Variants in SMIM10L3 observed in about 807,000 individuals in gnomAD.
SMIM10L3 encodes salivary gland specific protein SAGSIN1.
chr7:6,331,411 C>T, the SMIM10L3 span, among the ~76,000 whole-genome samples: 1 of 152,232 alleles, frequency 6.6e-6, no homozygotes, highest in Admixed American at 6.5e-5. Flanking sequence ...GATCCACCCA[C>T]CTCAGCGTCC....
the SMIM10L3 span, chr7:6,330,595 C>T: frequency 1.9e-6 from 3 of 1,614,162 alleles, no homozygotes; most frequent in African/African-American, 4.0e-5. Flanking sequence ...GGAGTGCAGG[C>T]AAGCGGGTTC....
the SMIM10L3 span, among the ~76,000 whole-genome samples, chr7:6,347,435 G>C: frequency 6.6e-6 from 1 of 151,990 alleles, no homozygotes; most frequent in African/African-American, 2.4e-5. Context: ...AGAATCGCTT[G>C]AACTCGGGAG....
chr7:6,338,248 T>C, the SMIM10L3 span, among the ~76,000 whole-genome samples: 1 of 152,332 alleles, frequency 6.6e-6, no homozygotes. Context: ...ATTTAAGTCA[T>C]TTATGAGTTT....
At chr7:6,331,294 C>T in the SMIM10L3 span, 3 of 743,172 alleles carry the variant, frequency 4.0e-6, no homozygotes, top group Non-Finnish European at 6.6e-6. Context: ...TTAAGAGCAT[C>T]TACACCCACC....
At chr7:6,334,926 G>A in the SMIM10L3 span, among the ~76,000 whole-genome samples, 4 of 151,336 alleles carry the variant, frequency 2.6e-5, no homozygotes, top group African/African-American at 4.9e-5. Context: ...GTGCCACCAC[G>A]CCTGGCCAAT....
At chr7:6,339,955 G>A in the SMIM10L3 span, among the ~76,000 whole-genome samples, 1 of 152,078 alleles carries the variant, frequency 6.6e-6, no homozygotes, top group African/African-American at 2.4e-5. Flanking sequence ...CATGATCTCA[G>A]CTCACTGCAA....
At chr7:6,330,277 A>G in the SMIM10L3 span, 27 of 1,175,884 alleles carry the variant, frequency 2.3e-5, no homozygotes, top group African/African-American at 3.1e-5. Context: ...TACAGCAGGA[A>G]CCTAAGGGCT....
the SMIM10L3 span, among the ~76,000 whole-genome samples, chr7:6,336,369 G>GTA: frequency 9.2e-3 from 1,388 of 151,066 alleles, 22 homozygotes; most frequent in African/African-American, 0.032. Flanking sequence ...AGAAAAAACT[G>GTA]TATATATATG....
chr7:6,330,454 G>C, the SMIM10L3 span: 1 of 1,614,150 alleles, frequency 6.2e-7, no homozygotes, highest in South Asian at 1.1e-5. Flanking sequence ...ACCATCTGAG[G>C]TGCTTTTAAG....
At chr7:6,337,471 C>T in the SMIM10L3 span, among the ~76,000 whole-genome samples, 3 of 151,834 alleles carry the variant, frequency 2.0e-5, no homozygotes, top group East Asian at 5.8e-4. Flanking sequence ...GGACAGTGCT[C>T]AGAAAAATTA....
chr7:6,347,545 TACAGC>T, the SMIM10L3 span, among the ~76,000 whole-genome samples: 2 of 151,846 alleles, frequency 1.3e-5, no homozygotes, highest in African/African-American at 4.8e-5. Context: ...ACCAATTTTT[TACAGC>T]AAAGGCGGTC....
chr7:6,343,131 C>A, the SMIM10L3 span, among the ~76,000 whole-genome samples: 3 of 151,322 alleles, frequency 2.0e-5, no homozygotes, highest in African/African-American at 7.3e-5. Flanking sequence ...AATCCCAGCA[C>A]CTTGGGAGGC....
At chr7:6,330,275 G>C in the SMIM10L3 span, 1 of 1,156,664 alleles carries the variant, frequency 8.6e-7, no homozygotes, top group Non-Finnish European at 1.2e-6. Context: ...ACTACAGCAG[G>C]AACCTAAGGG....
the SMIM10L3 span, among the ~76,000 whole-genome samples, chr7:6,338,915 C>G: frequency 2.6e-5 from 4 of 152,236 alleles, no homozygotes; most frequent in South Asian, 2.1e-4. Flanking sequence ...GACTGCCGCA[C>G]GCAAGGAGAG....
At chr7:6,332,979 T>C in the SMIM10L3 span, among the ~76,000 whole-genome samples, 1 of 151,566 alleles carries the variant, frequency 6.6e-6, no homozygotes, top group Non-Finnish European at 1.5e-5. Context: ...GTCAACATGG[T>C]GAAACCCTGT....
At chr7:6,333,918 C>A in the SMIM10L3 span, among the ~76,000 whole-genome samples, 5 of 146,946 alleles carry the variant, frequency 3.4e-5, no homozygotes, top group African/African-American at 1.3e-4. Context: ...GCCATCTCAG[C>A]TCACTAAAAG....
the SMIM10L3 span, among the ~76,000 whole-genome samples, chr7:6,332,108 T>C: frequency 5.2e-5 from 6 of 115,742 alleles, no homozygotes; most frequent in African/African-American, 3.0e-4. Context: ...AGACTCCATC[T>C]CACGGAAAAA....
the SMIM10L3 span, among the ~76,000 whole-genome samples, chr7:6,346,174 G>T: frequency 6.6e-6 from 1 of 152,086 alleles, no homozygotes; most frequent in Non-Finnish European, 1.5e-5. Context: ...ATTTTCGAAG[G>T]TGGTAACTGG....
the SMIM10L3 span, among the ~76,000 whole-genome samples, chr7:6,333,252 G>A: frequency 1.3e-5 from 2 of 152,158 alleles, no homozygotes; most frequent in African/African-American, 4.8e-5. Flanking sequence ...GAGAAAGCAG[G>A]GAGAGTTTAG....
Sources: allele counts gnomAD v4.1 joint callset (sites outside exome capture counted in the v4.1 genomes callset), GRCh38; gene constraint gnomAD v4.1.1; transcripts MANE v1.5; gene names NCBI Gene and HGNC (gene_info 2026-07-23, HGNC 2026-07-21).